The following PTPN1 variants were observed in gnomAD, a reference collection of about 807,000 sequenced individuals.
PTPN1 encodes protein tyrosine phosphatase non-receptor type 1.
A neutral mutation model predicts 59.9 loss-of-function variants in PTPN1; 12 were observed. That is an observed-to-expected ratio of 0.20 (90% confidence interval 0.13 to 0.32). The LOEUF (loss-of-function observed/expected upper bound fraction) is 0.32, where lower values mean the gene tolerates loss of function less well. Ranked by LOEUF, PTPN1 falls within the 10% of genes least tolerant of loss-of-function variation. The probability of loss-of-function intolerance (pLI) is 1.00; values close to 1 mark genes in which losing one functional copy is unlikely to be tolerated. For missense variants in PTPN1, 356 were observed against 549.2 expected, an observed-to-expected ratio of 0.65 and a Z score of 3.52; for synonymous variants, 178 against 203.6, an observed-to-expected ratio of 0.87 and a Z score of 1.07.
At chr20:50,580,078 A>C in intron 8 of PTPN1, 152 bp downstream of exon 8, 1 of 710,554 alleles carries the variant, frequency 1.4e-6, no homozygotes, top group Non-Finnish European at 2.3e-6. Flanking sequence ...GACCACAGCC[A>C]CTCCACTCCT....
chr20:50,534,023 C>T (rs182915136), intron 1 of PTPN1, among the ~76,000 whole-genome samples: 26 of 152,268 alleles, frequency 1.7e-4, no homozygotes, highest in Non-Finnish European at 2.9e-4. Context: ...CTCCGCCTCC[C>T]GAGTTCAAGC....
chr20:50,511,451 C>G (rs895242192), intron 1 of PTPN1, among the ~76,000 whole-genome samples: 31 of 152,266 alleles, frequency 2.0e-4, no homozygotes, highest in African/African-American at 7.2e-4. Context: ...AGGAGGCCTG[C>G]GGTACCCACT....
chr20:50,547,867 C>T (rs781599170), intron 1 of PTPN1, among the ~76,000 whole-genome samples: 1 of 152,078 alleles, frequency 6.6e-6, no homozygotes, highest in South Asian at 2.1e-4. Context: ...GCTTTATAAA[C>T]GATTTAGGGT....
intron 1 of PTPN1, among the ~76,000 whole-genome samples, chr20:50,524,046 A>C (rs1039246792): frequency 2.6e-5 from 4 of 152,022 alleles, no homozygotes; most frequent in Non-Finnish European, 2.9e-5. Context: ...TTATTCTCTT[A>C]TTGTATATAT....
At position 50,570,356 on chromosome 20, in the gene PTPN1, A is replaced by T. The variant is rs1444048932; in HGVS notation, c.354+1878A>T. Among the ~76,000 whole-genome samples, 3 of 152,202 alleles carry T rather than the reference A, an allele frequency of 2.0e-5. No individual in the cohort carries two copies. The East Asian group carries it at 5.8e-4, about 29-fold the overall frequency. ...GGTTTTTTACCCTTGCCTACTTTTT[A>T]AAAAATGAAAGTGTTTATTTGCCCA... On this transcript the variant is annotated intron_variant, in intron 4 of 9. Coordinates refer to ENST00000371621, the MANE Select transcript of PTPN1 (RefSeq NM_002827.4).
chr20:50,579,840 G>T lies in PTPN1; in HGVS notation c.1002G>T (p.Val334=), dbSNP rs1306291200. The change falls in exon 8 of 10, where the codon GTG becomes GTT. Residue 334 remains valine, a synonymous_variant. Transcript: ENST00000371621. ...CREFFPNHQW[V]KEETQEDKDC... ...AGTTCTTCCCAAATCACCAGTGGGT[G>T]AAGGAAGAGACCCAGGAGGATAAAG... 1 of 1,614,080 alleles carries T rather than the reference G, an allele frequency of 6.2e-7. No homozygotes were observed.
chr20:50,535,636 T>C (rs2082621351), intron 1 of PTPN1, among the ~76,000 whole-genome samples: 1 of 152,204 alleles, frequency 6.6e-6, no homozygotes, highest in Non-Finnish European at 1.5e-5. Context: ...ACAGGCAAAA[T>C]AGGATTTTGC....
rs1315136766 is a variant in PTPN1 at position 50,582,893 on chromosome 20, C to T, written c.*178C>T. 3 of 685,402 alleles carry T rather than the reference C, an allele frequency of 4.4e-6. No homozygotes were observed. The highest frequency in any genetic ancestry group is 7.4e-6 in the Non-Finnish European group (3 of 404,366). 42.5% of individuals were successfully genotyped at this position (685,402 alleles called of 1,614,324 possible). A position where few individuals can be genotyped will look rare whatever the true frequency, so the allele number is the denominator to read the frequency against. ...TTCCCCGGATGTGTGTCTCACCCCT[C>T]ATCCTTTTACTTTTTGCCCCTTCCA... is the stretch of plus-strand genomic sequence containing the variant. On this transcript the variant is annotated 3_prime_UTR_variant, in exon 10 of 10. Coordinates refer to ENST00000371621, the MANE Select transcript of PTPN1 (RefSeq NM_002827.4). The surrounding 1 kb of genome is among the most constrained non-coding windows in gnomAD (Gnocchi z 4.2).
chr20:50,581,602 C>A, intron 9 of PTPN1, 142 bp downstream of exon 9: 1 of 980,600 alleles, frequency 1.0e-6, no homozygotes, highest in Non-Finnish European at 1.4e-6. Context: ...AAGTCTGGAA[C>A]TGTGGAAGGG....
chr20:50,561,305 T>C (rs2082751447), intron 1 of PTPN1, 58 bp from the exon 2 acceptor site: 2 of 1,301,712 alleles, frequency 1.5e-6, no homozygotes, highest in South Asian at 1.3e-5. Context: ...GTCTGTTTCT[T>C]TGCTGGGTCT....
intron 1 of PTPN1, among the ~76,000 whole-genome samples, chr20:50,545,879 T>C (rs1414227296): frequency 2.8e-5 from 3 of 106,372 alleles, no homozygotes; most frequent in East Asian, 6.0e-4. Context: ...ATAGAAACAA[T>C]GAGCCAGGCA....
intron 1 of PTPN1, among the ~76,000 whole-genome samples, chr20:50,552,176 T>C (rs2082704644): frequency 6.6e-6 from 1 of 152,204 alleles, no homozygotes; most frequent in Non-Finnish European, 1.5e-5. Context: ...TTCCAAACCA[T>C]TAATGTTATA....
intron 1 of PTPN1, among the ~76,000 whole-genome samples, chr20:50,561,107 G>T (rs2082750341): frequency 2.6e-5 from 4 of 152,110 alleles, no homozygotes; most frequent in Admixed American, 2.6e-4. Flanking sequence ...GCTGTGCAGG[G>T]TGTTCCAGAG....
intron 1 of PTPN1, among the ~76,000 whole-genome samples, chr20:50,554,575 T>C (rs891406098): frequency 4.6e-5 from 7 of 152,122 alleles, no homozygotes; most frequent in African/African-American, 1.7e-4. Flanking sequence ...GTGACATACA[T>C]AGATAAATAT....
At chr20:50,550,296 G>A (rs1184223148) in intron 1 of PTPN1, among the ~76,000 whole-genome samples, 4 of 152,286 alleles carry the variant, frequency 2.6e-5, no homozygotes, top group East Asian at 1.9e-4. Flanking sequence ...TGGAGGTTCC[G>A]GGAGATCTTA....
intron 2 of PTPN1, chr20:50,562,964 A>C (rs2082759979): frequency 6.6e-6 from 1 of 152,174 alleles, no homozygotes; most frequent in Non-Finnish European, 1.5e-5. Context: ...TTTATGAATC[A>C]GTTTTACAGA....
At chr20:50,579,393 C>A in intron 7 of PTPN1, 64 bp downstream of exon 7, 2 of 1,542,756 alleles carry the variant, frequency 1.3e-6, no homozygotes, top group South Asian at 1.2e-5. Context: ...TTGAAGGAGG[C>A]TGTCAGTTGT....
intron 1 of PTPN1, among the ~76,000 whole-genome samples, chr20:50,550,116 C>G (rs1167392142): frequency 2.6e-5 from 4 of 152,052 alleles, no homozygotes; most frequent in Non-Finnish European, 5.9e-5. Context: ...TGCAAGAGTT[C>G]CAGGAAATGT....
intron 8 of PTPN1, among the ~76,000 whole-genome samples, chr20:50,580,198 A>C (rs2082859774): frequency 6.6e-6 from 1 of 152,058 alleles, no homozygotes; most frequent in African/African-American, 2.4e-5. Context: ...GCTCGGAGCC[A>C]CCGAGTAGGG....
Sources: allele counts gnomAD v4.1 joint callset (sites outside exome capture counted in the v4.1 genomes callset), GRCh38; gene constraint gnomAD v4.1.1; non-coding constraint Gnocchi (gnomAD v3.1); transcripts MANE v1.5; gene names NCBI Gene and HGNC (gene_info 2026-07-23, HGNC 2026-07-21).